Variants in TMEM17 observed in about 807,000 individuals in gnomAD.
TMEM17 encodes the protein transmembrane protein 17.
Under a neutral mutation model 19.1 loss-of-function variants are expected in TMEM17, and 15 were observed. The observed-to-expected ratio is 0.78, with a 90% CI of 0.52 to 1.21. The LOEUF (loss-of-function observed/expected upper bound fraction) is 1.21. TMEM17 is among the 50% of genes most tolerant of loss of function. The pLI, the probability that TMEM17 is intolerant of heterozygous loss-of-function variation, is 0.00. For missense variants in TMEM17, 245 were observed against 242.3 expected (o/e 1.01, Z -0.07); for synonymous variants, 103 against 86.9 (o/e 1.19, Z -1.03).
chr2:62,475,564 A>G, the TMEM17 span, among the ~76,000 whole-genome samples: 1 of 152,194 alleles, frequency 6.6e-6, no homozygotes, highest in African/African-American at 2.4e-5. Context: ...CCCCATATAA[A>G]CAGGAAGGCA....
chr2:62,475,185 T>C, the TMEM17 span, among the ~76,000 whole-genome samples: 2 of 152,198 alleles, frequency 1.3e-5, no homozygotes, highest in South Asian at 2.1e-4. Context: ...TGTTTTCAGC[T>C]TCTGAGCCAG....
At position 62,506,097 on chromosome 2, in the gene TMEM17, C is replaced by G. The variant is rs762437667; in HGVS notation, c.33G>C (p.Leu11=). 5 of 1,610,780 alleles carry G rather than the reference C, an allele frequency of 3.1e-6. No individual in the cohort carries two copies. The South Asian group carries it at 5.5e-5, about 18-fold the overall frequency. The change falls in exon 1 of 4, where the codon CTG becomes CTC. Residue 11 remains leucine (L), a synonymous_variant. Transcript: ENST00000335390. ...TGAACACGGCCCGGCTGAAGTTTCC[C>G]AGCCGCTGGCGCACCGGATCCGGCA... The part of the protein sequence containing the change: MELPDPVRQR[L]GNFSRAVFSD...
chr2:62,499,785 T>G (rs890310903), downstream of TMEM17, among the ~76,000 whole-genome samples: 2 of 152,126 alleles, frequency 1.3e-5, no homozygotes, highest in African/African-American at 4.8e-5. Context: ...CATTTCCCTA[T>G]AGAAAAAAAG....
the TMEM17 span, among the ~76,000 whole-genome samples, chr2:62,457,095 T>C: frequency 8.5e-5 from 13 of 152,186 alleles, no homozygotes; most frequent in Non-Finnish European, 1.0e-4. This position sits in a 1 kb window ranked among gnomAD's most constrained non-coding sequence, Gnocchi z 4.2. Flanking sequence ...ATAGCCACCC[T>C]GCGATCTCTC....
At chr2:62,479,889 CA>C in the TMEM17 span, among the ~76,000 whole-genome samples, 21,231 of 68,878 alleles carry the variant, frequency 0.31, 1,073 homozygotes, top group South Asian at 0.33. Context: ...AGACCTGTCT[CA>C]AAAAAAAAAA....
At chr2:62,460,574 C>A in the TMEM17 span, among the ~76,000 whole-genome samples, 1 of 152,154 alleles carries the variant, frequency 6.6e-6, no homozygotes, top group Non-Finnish European at 1.5e-5. Context: ...GAATAGCAGA[C>A]CATATTTGTA....
At chr2:62,499,623 T>C (rs1679867149), downstream of TMEM17, among the ~76,000 whole-genome samples, 1 of 152,124 alleles carries the variant, frequency 6.6e-6, no homozygotes, top group Non-Finnish European at 1.5e-5. Flanking sequence ...GAGTGGGAAG[T>C]AAAGACATTT....
At chr2:62,489,835 T>C in the TMEM17 span, among the ~76,000 whole-genome samples, 3 of 152,186 alleles carry the variant, frequency 2.0e-5, no homozygotes, top group Admixed American at 6.5e-5. Context: ...AGTGTTAATA[T>C]GTAAGCCTGT....
the TMEM17 span, among the ~76,000 whole-genome samples, chr2:62,457,875 G>C: frequency 6.6e-6 from 1 of 152,202 alleles, no homozygotes; most frequent in African/African-American, 2.4e-5. This position sits in a 1 kb window ranked among gnomAD's most constrained non-coding sequence, Gnocchi z 4.2. Context: ...CACTGCAAGG[G>C]AGCTAAGACC....
At chr2:62,491,925 C>CAAA in the TMEM17 span, among the ~76,000 whole-genome samples, 1 of 108,388 alleles carries the variant, frequency 9.2e-6, no homozygotes, top group African/African-American at 3.3e-5. Context: ...GGCAAAAAAC[C>CAAA]AAAAAAAAAA....
rs765982931 is a variant in TMEM17, at chr2:62,505,987, C to A, written c.100+43G>T. The A allele has an allele frequency of 2.2e-5, 34 of 1,548,590 alleles. No homozygotes were observed. The South Asian group carries it at 2.7e-4, about 12-fold the overall frequency. ...GGACGCTCCAAAATCCACGCCAAGC[C>A]CTCGGCAGGCCACACCCCCTGCACC... On this transcript the variant is annotated intron_variant, in intron 1 of 3. Transcript: ENST00000335390.
At chr2:62,495,763 G>T (rs1036225657), downstream of TMEM17, among the ~76,000 whole-genome samples, 1 of 152,126 alleles carries the variant, frequency 6.6e-6, no homozygotes, top group African/African-American at 2.4e-5. Flanking sequence ...TATTCCTTCA[G>T]CACATTTTAA....
chr2:62,505,770 G>T lies in TMEM17; in HGVS notation c.100+260C>A, dbSNP rs140283130. Among the ~76,000 whole-genome samples the T allele has an allele frequency of 8.4e-3, 1,282 of 152,248 alleles. 7 individuals are homozygous for T. Among genetic ancestry groups the T allele is most frequent in the Non-Finnish European group, 0.013 (865 of 68,002 alleles). On this transcript the variant is annotated intron_variant, in intron 1 of 3. Coordinates refer to ENST00000335390, the MANE Select transcript of TMEM17 (RefSeq NM_198276.3). ...ATGGGCCTTGCGCGGCACAGAGATC[G>T]GCCCCACGTCAGCTGCCGCGCTTGC... is the stretch of plus-strand genomic sequence containing the variant.
chr2:62,456,407 CTCTG>C, the TMEM17 span, among the ~76,000 whole-genome samples: 2 of 152,266 alleles, frequency 1.3e-5, no homozygotes, highest in Admixed American at 1.3e-4. Context: ...AAATCTCTCT[CTCTG>C]TCTGCTTCCT....
At chr2:62,458,514 G>T in the TMEM17 span, among the ~76,000 whole-genome samples, 1 of 152,224 alleles carries the variant, frequency 6.6e-6, no homozygotes, top group Admixed American at 6.5e-5. Flanking sequence ...CTTCACCTCT[G>T]TAGGGACTGA....
the TMEM17 span, among the ~76,000 whole-genome samples, chr2:62,480,847 C>T: frequency 6.6e-6 from 1 of 152,132 alleles, no homozygotes; most frequent in Admixed American, 6.5e-5. Flanking sequence ...ATTATGCTTC[C>T]AGCTTTGTTC....
chr2:62,505,215 A>G (rs1179972281), intron 1 of TMEM17, among the ~76,000 whole-genome samples: 2 of 152,216 alleles, frequency 1.3e-5, no homozygotes, highest in African/African-American at 4.8e-5. Context: ...GATGAAAACC[A>G]CATGGGTTTG....
chr2:62,466,734 C>T, the TMEM17 span, among the ~76,000 whole-genome samples: 1 of 152,108 alleles, frequency 6.6e-6, no homozygotes, highest in Non-Finnish European at 1.5e-5. Flanking sequence ...TTGCGCTGAC[C>T]CCGCCCATCA....
At chr2:62,453,764 T>C in the TMEM17 span, among the ~76,000 whole-genome samples, 1 of 152,310 alleles carries the variant, frequency 6.6e-6, no homozygotes, top group African/African-American at 2.4e-5. Context: ...GGGGAGACCA[T>C]TGGAGAGGAT....
Sources: allele counts gnomAD v4.1 joint callset (sites outside exome capture counted in the v4.1 genomes callset), GRCh38; gene constraint gnomAD v4.1.1; non-coding constraint Gnocchi (gnomAD v3.1); transcripts MANE v1.5; gene names NCBI Gene and HGNC (gene_info 2026-07-23, HGNC 2026-07-21).